The following CSNK1G1 variants were observed in gnomAD, a reference collection of about 807,000 sequenced individuals.
CSNK1G1 encodes casein kinase 1 gamma 1.
In CSNK1G1, 22 loss-of-function variants were observed where a neutral mutation model predicts 59.6. The ratio of observed to expected loss-of-function variants is 0.37; its 90% confidence interval spans 0.26 to 0.53. CSNK1G1 has a LOEUF of 0.53. Among genes scored for constraint, CSNK1G1 ranks in the 20% least tolerant of loss-of-function variants. The probability of loss-of-function intolerance (pLI) is 0.89; values close to 1 mark genes in which losing one functional copy is unlikely to be tolerated. For missense variants in CSNK1G1, 384 were observed against 519.5 expected, an observed-to-expected ratio of 0.74 and a Z score of 2.54; for synonymous variants, 179 against 177.1, an observed-to-expected ratio of 1.01 and a Z score of -0.08.
chr15:64,222,437 C>CAAAAAAAAAAAAAAAAA (rs1170075981), intron 4 of CSNK1G1, among the ~76,000 whole-genome samples: 1 of 69,002 alleles, frequency 1.4e-5, no homozygotes, highest in East Asian at 3.8e-4. Context: ...ACAACACCAC[C>CAAAAAAAAAAAAAAAAA]AAAAAAAAAA....
intron 1 of CSNK1G1, among the ~76,000 whole-genome samples, chr15:64,332,655 C>T (rs1347317439): frequency 1.4e-5 from 2 of 147,752 alleles, no homozygotes; most frequent in Non-Finnish European, 3.0e-5. Context: ...GCACATGTAC[C>T]CTAAAACTTA....
At position 64,166,226 on chromosome 15, in the gene CSNK1G1, T is replaced by C. The variant is rs2081601562; in HGVS notation, c.*5705A>G. 1 of 434,724 alleles carries C rather than the reference T, an allele frequency of 2.3e-6. No individual in the cohort carries two copies. The highest frequency in any genetic ancestry group is 4.0e-6 in the Non-Finnish European group (1 of 247,024). 26.9% of individuals were successfully genotyped at this position (434,724 alleles called of 1,614,324 possible). On this transcript the variant is annotated 3_prime_UTR_variant, in exon 12 of 12. Coordinates refer to ENST00000303052, the MANE Select transcript of CSNK1G1 (RefSeq NM_022048.5). This position sits in a 1 kb window ranked among gnomAD's most constrained non-coding sequence, Gnocchi z 4.5. ...TCCCAACATCTTTTTAAGAGTACAA[T>C]GGGCAAAGATCAAAGACAGATAAAT...
rs545726245 is a variant in CSNK1G1 at position 64,226,812 on chromosome 15, C to A, written c.293-10099G>T. Among the ~76,000 whole-genome samples, 6 of 152,128 alleles carry A rather than the reference C, an allele frequency of 3.9e-5. No homozygotes were observed. The South Asian group carries it at 1.0e-3, about 26-fold the overall frequency. On this transcript the variant is annotated intron_variant, in intron 4 of 11. Coordinates refer to ENST00000303052, the MANE Select transcript of CSNK1G1 (RefSeq NM_022048.5). ...TGATTCTTCTTAAAATCCACCTGAA[C>A]AATTAACAACTAAAAAGTCAAGAAG...
intron 4 of CSNK1G1, among the ~76,000 whole-genome samples, chr15:64,235,827 C>T (rs894013123): frequency 1.3e-5 from 2 of 152,100 alleles, no homozygotes; most frequent in Non-Finnish European, 2.9e-5. Flanking sequence ...GTATTTCAAA[C>T]ATTTCTTAAA....
chr15:64,295,423 ATAAT>A (rs775828961), intron 2 of CSNK1G1, among the ~76,000 whole-genome samples: 2 of 152,158 alleles, frequency 1.3e-5, no homozygotes, highest in Non-Finnish European at 2.9e-5. Context: ...TTCCCATCAA[ATAAT>A]TAGTGACTAA....
chr15:64,195,981 G>A (rs1026538101), intron 10 of CSNK1G1, among the ~76,000 whole-genome samples: 4 of 152,146 alleles, frequency 2.6e-5, no homozygotes, highest in African/African-American at 9.7e-5. Context: ...TGTAATCCCC[G>A]TTACTTGGGA....
chr15:64,175,728 T>TC (rs1268353353), intron 11 of CSNK1G1, among the ~76,000 whole-genome samples: 1 of 152,080 alleles, frequency 6.6e-6, no homozygotes, highest in African/African-American at 2.4e-5. Flanking sequence ...CATCCACCTC[T>TC]CCCTGAAGGA....
intron 2 of CSNK1G1, among the ~76,000 whole-genome samples, chr15:64,294,426 T>C (rs547533883): frequency 6.6e-6 from 1 of 152,256 alleles, no homozygotes; most frequent in South Asian, 2.1e-4. Context: ...TATGTCCTAA[T>C]ACACATTTTT....
Position 64,277,774 on chromosome 15 carries a change from T to C in CSNK1G1, c.182-18533A>G, listed in dbSNP as rs1473914583. 5.4e-5 allele frequency among the ~76,000 whole-genome samples: 7 copies of C among 130,708 alleles called. 1 individual carries two copies. The highest frequency in any genetic ancestry group is 2.0e-4 in the African/African-American group (7 of 34,662). 85.7% of individuals were successfully genotyped at this position (130,708 alleles called of 152,430 possible). A position where few individuals can be genotyped will look rare whatever the true frequency, so the allele number is the denominator to read the frequency against. The stretch of plus-strand genomic sequence containing the variant: ...TTAATAATATAGCAATATTGATATA[T>C]TTAATAATATATTAATATTGATATA... On this transcript the variant is annotated intron_variant, in intron 2 of 11. Coordinates refer to ENST00000303052, the MANE Select transcript of CSNK1G1 (RefSeq NM_022048.5).
At chr15:64,224,500 T>C (rs935090852) in intron 4 of CSNK1G1, among the ~76,000 whole-genome samples, 12 of 152,182 alleles carry the variant, frequency 7.9e-5, no homozygotes, top group Non-Finnish European at 1.2e-4. Context: ...AGATATGAGA[T>C]AATACGTAGT....
chr15:64,258,107 G>GT (rs1298653833), intron 3 of CSNK1G1, among the ~76,000 whole-genome samples: 1 of 152,096 alleles, frequency 6.6e-6, no homozygotes, highest in Non-Finnish European at 1.5e-5. Flanking sequence ...TGTGGATGTG[G>GT]TAAGTGCAAT....
At chr15:64,213,148 T>C (rs1019371121) in intron 6 of CSNK1G1, among the ~76,000 whole-genome samples, 1 of 152,192 alleles carries the variant, frequency 6.6e-6, no homozygotes, top group African/African-American at 2.4e-5. Context: ...TTTTCAAACA[T>C]GTTTTTTTCA....
chr15:64,207,659 A>G (rs2082199751), intron 6 of CSNK1G1, 65 bp from the exon 7 acceptor site: 1 of 1,227,672 alleles, frequency 8.1e-7, no homozygotes, highest in Non-Finnish European at 1.2e-6. Flanking sequence ...GTTCAAAACC[A>G]AGTAATCCCT....
At chr15:64,238,213 G>C (rs1405188140) in intron 4 of CSNK1G1, among the ~76,000 whole-genome samples, 1 of 151,842 alleles carries the variant, frequency 6.6e-6, no homozygotes, top group Non-Finnish European at 1.5e-5. Flanking sequence ...TTAGGTAAGG[G>C]ATAATGTGTG....
At chr15:64,189,666 C>G (rs965936811) in intron 10 of CSNK1G1, among the ~76,000 whole-genome samples, 1 of 152,102 alleles carries the variant, frequency 6.6e-6, no homozygotes, top group Admixed American at 6.5e-5. Flanking sequence ...CTATAAAAAA[C>G]GAAGGGCAAG....
At chr15:64,331,256 A>G (rs1212662161) in intron 1 of CSNK1G1, among the ~76,000 whole-genome samples, 2 of 133,136 alleles carry the variant, frequency 1.5e-5, no homozygotes, top group African/African-American at 5.7e-5. Flanking sequence ...TGGAGGCATC[A>G]CACTACCTGA....
At chr15:64,181,486 T>C in intron 10 of CSNK1G1, 1 of 1,422,818 alleles carries the variant, frequency 7.0e-7, no homozygotes, top group Non-Finnish European at 9.3e-7. Flanking sequence ...TCATATGCCC[T>C]TGGATAAGTA....
In CSNK1G1 at chr15:64,200,547, T is replaced by C. The variant is rs1469261417; in HGVS notation, c.1107+2535A>G. On this transcript the variant is annotated intron_variant, in intron 10 of 11. Transcript: ENST00000303052. This position sits in a 1 kb window ranked among gnomAD's most constrained non-coding sequence, Gnocchi z 4.3. ...TTTTAGTAGAGACAGGGTTTCACCATGTTGGCCAGGCTGGTCTCGAACTCC... is the reference window on the plus strand; with the variant it reads ...TTTTAGTAGAGACAGGGTTTCACCACGTTGGCCAGGCTGGTCTCGAACTCC... Among the ~76,000 whole-genome samples the C allele has an allele frequency of 1.3e-5, 2 of 152,186 alleles. No homozygotes were observed. The highest frequency in any genetic ancestry group is 2.1e-4 in the South Asian group (1 of 4,836).
intron 1 of CSNK1G1, among the ~76,000 whole-genome samples, chr15:64,343,234 C>CACACACACACACACACACACACA (rs1327910388): frequency 6.6e-6 from 1 of 151,746 alleles, no homozygotes; most frequent in East Asian, 1.9e-4. Context: ...CACACACACA[C>CACACACACACACACACACACACA]ACCTCTTCTA....
Sources: allele counts gnomAD v4.1 joint callset (sites outside exome capture counted in the v4.1 genomes callset), GRCh38; gene constraint gnomAD v4.1.1; non-coding constraint Gnocchi (gnomAD v3.1); transcripts MANE v1.5; gene names NCBI Gene and HGNC (gene_info 2026-07-23, HGNC 2026-07-21).